FMN2: variants seen among roughly 807,000 people sequenced by gnomAD.
The protein encoded by FMN2 is formin 2, also known as formin-2.
FMN2 carries 51 observed loss-of-function variants against 142.3 expected under a neutral mutation model. The ratio of observed to expected loss-of-function variants is 0.36; its 90% confidence interval spans 0.29 to 0.45. The LOEUF is 0.45. Ranked by LOEUF, FMN2 falls within the 20% of genes least tolerant of loss-of-function variation. FMN2 has a pLI of 1.00. For missense variants in FMN2, 1,936 were observed against 2,122.8 expected (o/e 0.91, Z 1.73); for synonymous variants, 882 against 869.8 (o/e 1.01, Z -0.25).
chr1:240,374,398 G>A (rs1672973940), intron 14 of FMN2, among the ~76,000 whole-genome samples: 1 of 152,174 alleles, frequency 6.6e-6, no homozygotes, highest in African/African-American at 2.4e-5. Flanking sequence ...GATGGCATCT[G>A]CTTCTTGTTT....
chr1:240,292,472 A>T (rs1241416511), intron 7 of FMN2, among the ~76,000 whole-genome samples: 1 of 152,196 alleles, frequency 6.6e-6, no homozygotes, highest in African/African-American at 2.4e-5. Flanking sequence ...CTCCAACTTC[A>T]AATCATTATT....
chr1:240,393,509 CACA>C (rs1447075694), intron 15 of FMN2, among the ~76,000 whole-genome samples: 2 of 152,072 alleles, frequency 1.3e-5, no homozygotes, highest in Non-Finnish European at 2.9e-5. Context: ...TTCCCTGAGA[CACA>C]ACAATATTGA....
At chr1:240,359,577 A>C (rs1178723506) in intron 14 of FMN2, among the ~76,000 whole-genome samples, 1 of 152,084 alleles carries the variant, frequency 6.6e-6, no homozygotes, top group Non-Finnish European at 1.5e-5. Flanking sequence ...CAACCCATTC[A>C]ATTTTCCCTC....
chr1:240,200,934 C>G (rs1666099497), intron 4 of FMN2, among the ~76,000 whole-genome samples: 4 of 152,144 alleles, frequency 2.6e-5, no homozygotes, highest in Admixed American at 2.6e-4. Context: ...CACCACAAGG[C>G]TAGCATTGCT....
At chr1:240,262,828 T>C (rs1040888830) in intron 7 of FMN2, among the ~76,000 whole-genome samples, 9 of 147,112 alleles carry the variant, frequency 6.1e-5, no homozygotes, top group African/African-American at 1.0e-4. Context: ...TGGCGCAATC[T>C]CAGCTCACTA....
At chr1:240,345,536 T>G (rs1671879521) in intron 13 of FMN2, among the ~76,000 whole-genome samples, 1 of 152,150 alleles carries the variant, frequency 6.6e-6, no homozygotes, top group African/African-American at 2.4e-5. Context: ...AGTGGCCTGA[T>G]CTCGACTCAC....
intron 7 of FMN2, among the ~76,000 whole-genome samples, chr1:240,262,808 C>T (rs1211966272): frequency 1.4e-5 from 2 of 141,460 alleles, no homozygotes; most frequent in African/African-American, 5.4e-5. Flanking sequence ...GTCATCCAGG[C>T]ATAGTTCAGT....
At position 240,091,962 on chromosome 1, in the gene FMN2, C is replaced by T. The variant is rs1660985025; in HGVS notation, c.-148C>T. On this transcript the variant is annotated 5_prime_UTR_variant, in exon 1 of 18. Coordinates refer to ENST00000319653, the MANE Select transcript of FMN2 (RefSeq NM_020066.5). ...CGGCGGCAGATGCGAGCGGGGCCAG[C>T]CGGGCGCGCGTCGGCCTCCCCTCCC... The T allele has an allele frequency of 7.7e-7, 1 of 1,306,582 alleles. No individual in the cohort carries two copies. The highest frequency in any genetic ancestry group is 9.9e-7 in the Non-Finnish European group (1 of 1,011,352). 80.9% of individuals were successfully genotyped at this position (1,306,582 alleles called of 1,614,324 possible).
At chr1:240,342,255 T>C (rs558827762) in intron 13 of FMN2, among the ~76,000 whole-genome samples, 1 of 152,346 alleles carries the variant, frequency 6.6e-6, no homozygotes, top group South Asian at 2.1e-4. Context: ...GCTCAGGCTA[T>C]AAATTGATTA....
chr1:240,310,262 C>A (rs1169337069), intron 8 of FMN2, among the ~76,000 whole-genome samples: 1 of 152,180 alleles, frequency 6.6e-6, no homozygotes, highest in Non-Finnish European at 1.5e-5. Flanking sequence ...ATAAATACAA[C>A]ACACTTTCTT....
intron 7 of FMN2, among the ~76,000 whole-genome samples, chr1:240,289,707 A>G (rs887271492): frequency 2.0e-5 from 3 of 152,090 alleles, no homozygotes; most frequent in African/African-American, 7.2e-5. Flanking sequence ...AAAAGGGATT[A>G]CACAAATAAA....
At chr1:240,455,564 G>A (rs1676211243) in intron 16 of FMN2, among the ~76,000 whole-genome samples, 1 of 152,164 alleles carries the variant, frequency 6.6e-6, no homozygotes, top group Non-Finnish European at 1.5e-5. Context: ...ATTACTACCA[G>A]CTACTTAGGA....
At chr1:240,148,047 G>T (rs192358065) in intron 2 of FMN2, among the ~76,000 whole-genome samples, 1 of 152,224 alleles carries the variant, frequency 6.6e-6, no homozygotes, top group African/African-American at 2.4e-5. Context: ...CTCTGCTCAT[G>T]AGAGATGCTG....
At position 240,437,007 on chromosome 1, in the gene FMN2, G is replaced by A. The variant is rs1675396817; in HGVS notation, c.4911-1054G>A. Among the ~76,000 whole-genome samples the A allele has an allele frequency of 2.6e-5, 4 of 152,138 alleles. No individual in the cohort carries two copies. In the South Asian group the frequency reaches 8.3e-4, roughly 32 times the overall value. On this transcript the variant is annotated intron_variant, in intron 15 of 17. Transcript: ENST00000319653. ...TCTCTAACCAGTTCTCTTGCCACGCGTTATCGACTGTATTGGTCAGGATTC... is the reference window on the plus strand; with the variant it reads ...TCTCTAACCAGTTCTCTTGCCACGCATTATCGACTGTATTGGTCAGGATTC...
At chr1:240,415,293 C>G in intron 15 of FMN2, among the ~76,000 whole-genome samples, 1 of 152,058 alleles carries the variant, frequency 6.6e-6, no homozygotes, top group East Asian at 1.9e-4. Context: ...GAACAGAAAA[C>G]CAAACACCAC....
At chr1:240,150,988 A>G (rs1302195757) in intron 2 of FMN2, among the ~76,000 whole-genome samples, 1 of 152,232 alleles carries the variant, frequency 6.6e-6, no homozygotes, top group Non-Finnish European at 1.5e-5. Context: ...CCATAGCTTC[A>G]GAAAATAAGA....
intron 10 of FMN2, 146 bp downstream of exon 10, chr1:240,329,614 G>A (rs540562545): frequency 3.8e-5 from 42 of 1,109,724 alleles, no homozygotes; most frequent in Non-Finnish European, 5.1e-5. Context: ...AACATTTTAT[G>A]ATTGACCTTC....
chr1:240,405,096 C>G (rs567735671), intron 15 of FMN2, among the ~76,000 whole-genome samples: 1 of 152,130 alleles, frequency 6.6e-6, no homozygotes, highest in Non-Finnish European at 1.5e-5. Context: ...TCCAAGTTAA[C>G]AGAGGTTAGA....
intron 2 of FMN2, among the ~76,000 whole-genome samples, chr1:240,128,779 C>T (rs949278488): frequency 6.6e-6 from 1 of 152,156 alleles, no homozygotes; most frequent in African/African-American, 2.4e-5. Flanking sequence ...AGCAGCCAGT[C>T]CCGGAAAACT....
Sources: gnomAD v4.1 joint callset for allele counts (sites outside exome capture counted in the v4.1 genomes callset) on GRCh38, gnomAD v4.1.1 for gene constraint, MANE v1.5 for transcripts, NCBI Gene and HGNC (gene_info 2026-07-23, HGNC 2026-07-21) for gene names.